ZNF385D: variants seen among roughly 807,000 people sequenced by gnomAD.
ZNF385D encodes the protein zinc finger protein 659.
Under a neutral mutation model 35.8 loss-of-function variants are expected in ZNF385D, and 15 were observed. The observed-to-expected ratio is 0.42, with a 90% confidence interval of 0.28 to 0.64. The LOEUF (loss-of-function observed/expected upper bound fraction) is 0.64. Ranked by LOEUF, ZNF385D falls within the 30% of genes least tolerant of loss-of-function variation. The pLI is 0.23. For synonymous variants in ZNF385D, 212 were observed against 186.8 expected (o/e 1.13, Z -1.10); for missense variants, 474 against 494.6 (o/e 0.96, Z 0.39).
chr3:21,514,683 T>A, intron 3 of ZNF385D, among the ~76,000 whole-genome samples: 1 of 151,968 alleles, frequency 6.6e-6, no homozygotes, highest in African/African-American at 2.4e-5. Context: ...CTGCTTGCTG[T>A]ATGTCACTTT....
chr3:21,601,723 CT>C (rs1235251315), intron 2 of ZNF385D, among the ~76,000 whole-genome samples: 1 of 152,136 alleles, frequency 6.6e-6, no homozygotes, highest in Non-Finnish European at 1.5e-5. Flanking sequence ...ATGCAGGTAA[CT>C]TTTTCGTTAG....
At chr3:22,279,315 G>A (rs774747194) in intron 2 of ZNF385D, among the ~76,000 whole-genome samples, 14 of 151,574 alleles carry the variant, frequency 9.2e-5, no homozygotes, top group Non-Finnish European at 1.2e-4. Context: ...ATGCCTTTCC[G>A]TCTTCATAGC....
At chr3:21,755,841 G>A (rs566668178), upstream of ZNF385D, among the ~76,000 whole-genome samples, 4 of 152,276 alleles carry the variant, frequency 2.6e-5, no homozygotes, top group African/African-American at 4.8e-5. Context: ...TACTCCAGGT[G>A]CTGGATGAAG....
chr3:21,602,517 C>CTTTT lies in ZNF385D; in HGVS notation c.166-37837_166-37834dup, dbSNP rs746138066. Reference sequence around the variant, plus strand: ...TAGGTCTCCTGTTTCCCTGCATTTTCTTTTTTTTTTTTTTTTTTTTTTTTT... The same window carrying CTTTT: ...TAGGTCTCCTGTTTCCCTGCATTTTCTTTTTTTTTTTTTTTTTTTTTTTTTTTTT... On this transcript the variant is annotated intron_variant, in intron 2 of 7. Coordinates refer to ENST00000281523, the MANE Select transcript of ZNF385D (RefSeq NM_024697.3). Among the ~76,000 whole-genome samples, 341 of 62,682 alleles carry CTTTT rather than the reference C, an allele frequency of 5.4e-3. 56 individuals are homozygous for CTTTT. Among genetic ancestry groups the CTTTT allele is most frequent in the Middle Eastern group, 8.3e-3 (1 of 120 alleles). The allele number at this position is 62,682 out of a possible 152,430, so 41.1% of individuals were successfully genotyped here.
intron 3 of ZNF385D, among the ~76,000 whole-genome samples, chr3:22,146,989 CA>C (rs1258497388): frequency 6.6e-6 from 1 of 152,018 alleles, no homozygotes; most frequent in Non-Finnish European, 1.5e-5. Flanking sequence ...TCAAACGAAA[CA>C]AAATTTGGTA....
intron 2 of ZNF385D, among the ~76,000 whole-genome samples, chr3:22,207,211 G>C (rs1697213896): frequency 6.6e-6 from 1 of 151,790 alleles, no homozygotes; most frequent in Non-Finnish European, 1.5e-5. Flanking sequence ...GCAGTAGGTT[G>C]GTACTGGCAT....
chr3:22,024,878 G>A (rs1305191858), intron 3 of ZNF385D, among the ~76,000 whole-genome samples: 1 of 152,162 alleles, frequency 6.6e-6, no homozygotes, highest in Non-Finnish European at 1.5e-5. Context: ...CAGATACTGA[G>A]CCTCAAATCT....
chr3:22,184,782 A>C (rs1319444727), intron 2 of ZNF385D, among the ~76,000 whole-genome samples: 1 of 152,094 alleles, frequency 6.6e-6, no homozygotes. Context: ...AGCCCGGGTG[A>C]CAAGAGTGAA....
intron 2 of ZNF385D, among the ~76,000 whole-genome samples, chr3:22,223,551 G>C (rs1361937971): frequency 2.0e-5 from 3 of 152,038 alleles, no homozygotes; most frequent in Non-Finnish European, 4.4e-5. Flanking sequence ...AATAGAGGTG[G>C]TTGAAAGTAT....
intron 4 of ZNF385D, among the ~76,000 whole-genome samples, chr3:21,477,554 A>G (rs1241878162): frequency 6.6e-6 from 1 of 152,128 alleles, no homozygotes; most frequent in Non-Finnish European, 1.5e-5. Flanking sequence ...TGATTCTTAA[A>G]TACCCTACTA....
At chr3:21,663,790 G>A (rs2066306386) in intron 2 of ZNF385D, among the ~76,000 whole-genome samples, 1 of 149,850 alleles carries the variant, frequency 6.7e-6, no homozygotes, top group Non-Finnish European at 1.5e-5. Flanking sequence ...GCATATAGCT[G>A]TACTGACTCA....
chr3:21,983,527 G>C lies in ZNF385D; in HGVS notation c.325+185290C>G, dbSNP rs1228217010. 2.1e-5 allele frequency among the ~76,000 whole-genome samples: 3 copies of C among 144,386 alleles called. No individual in the cohort carries two copies. The Admixed American group carries it at 2.1e-4, about 10-fold the overall frequency. The allele number at this position is 144,386 out of a possible 152,430, so 94.7% of individuals were successfully genotyped here. A position where few individuals can be genotyped will look rare whatever the true frequency, so the allele number is the denominator to read the frequency against. ...TTTTATGGCTGCATAGTATTCCATG[G>C]TGTATATGTGCCACATTTTCTTCAT... On this transcript the variant is annotated intron_variant, in intron 3 of 5. Coordinates refer to the ZNF385D transcript ENST00000494108.
chr3:21,663,816 G>A (rs191043439), intron 2 of ZNF385D, among the ~76,000 whole-genome samples: 1 of 145,164 alleles, frequency 6.9e-6, no homozygotes, highest in East Asian at 2.0e-4. Flanking sequence ...ATGTCCAAAG[G>A]CCATGTGACA....
intron 2 of ZNF385D, among the ~76,000 whole-genome samples, chr3:22,203,954 C>T (rs944067272): frequency 2.6e-5 from 4 of 152,070 alleles, no homozygotes; most frequent in Non-Finnish European, 5.9e-5. Flanking sequence ...GGCTTCATAA[C>T]CTGCTGATTA....
intron 1 of ZNF385D, among the ~76,000 whole-genome samples, chr3:21,732,050 TTTTTTTTTTTTTTTTTTTTG>T (rs2069035811): frequency 4.2e-5 from 3 of 71,146 alleles, no homozygotes; most frequent in Non-Finnish European, 7.2e-5. Context: ...TTTTTTTTTT[TTTTTTTTTTTTTTTTTTTTG>T]AGAACGGAGT....
chr3:21,903,795 C>A (rs750067685), intron 3 of ZNF385D, among the ~76,000 whole-genome samples: 4 of 152,020 alleles, frequency 2.6e-5, no homozygotes, highest in South Asian at 4.1e-4. Flanking sequence ...GCATTCAAGA[C>A]TTTGTGCAGT....
At chr3:21,429,694 G>A (rs1310744892) in intron 5 of ZNF385D, among the ~76,000 whole-genome samples, 1 of 151,860 alleles carries the variant, frequency 6.6e-6, no homozygotes, top group Non-Finnish European at 1.5e-5. Flanking sequence ...AAATCTAGTT[G>A]GTATAGTCTG....
chr3:21,991,856 T>C (rs1350287622), intron 3 of ZNF385D, among the ~76,000 whole-genome samples: 1 of 152,336 alleles, frequency 6.6e-6, no homozygotes, highest in Non-Finnish European at 1.5e-5. Context: ...TTCAGTGATA[T>C]ATGAGTGAGT....
intron 3 of ZNF385D, among the ~76,000 whole-genome samples, chr3:22,089,234 C>T (rs1694016776): frequency 6.6e-6 from 1 of 151,918 alleles, no homozygotes; most frequent in Non-Finnish European, 1.5e-5. Context: ...ACTTTCTTCA[C>T]ATTATATTAC....
Sources: allele counts gnomAD v4.1 joint callset (sites outside exome capture counted in the v4.1 genomes callset), GRCh38; gene constraint gnomAD v4.1.1; transcripts MANE v1.5; gene names NCBI Gene and HGNC (gene_info 2026-07-23, HGNC 2026-07-21).